The following FBXW7 variants were observed in gnomAD, a reference collection of about 807,000 sequenced individuals.
FBXW7 encodes the protein F-box/WD repeat-containing protein 7.
FBXW7 carries 11 observed loss-of-function variants against 86.3 expected under a neutral mutation model. That is an observed-to-expected ratio of 0.13 (90% CI 0.08 to 0.21). The LOEUF (loss-of-function observed/expected upper bound fraction) is 0.21. Ranked by LOEUF, FBXW7 falls within the 10% of genes least tolerant of loss-of-function variation. The pLI is 1.00. For missense variants in FBXW7, 488 were observed against 847.4 expected (o/e 0.58, Z 5.27); for synonymous variants, 313 against 297.9 (o/e 1.05, Z -0.52).
chr4:152,367,574 A>C (rs1365282060), intron 4 of FBXW7, among the ~76,000 whole-genome samples: 1 of 152,156 alleles, frequency 6.6e-6, no homozygotes, highest in Admixed American at 6.6e-5. Context: ...TGGTTTTGTG[A>C]ATATGCAAAA....
intron 2 of FBXW7, among the ~76,000 whole-genome samples, chr4:152,491,487 G>T (rs1325852984): frequency 2.0e-5 from 3 of 152,106 alleles, no homozygotes; most frequent in African/African-American, 7.2e-5. Context: ...ACTAGTGAGT[G>T]TTCTGAATCA....
chr4:152,362,460 T>G (rs1456518859), intron 4 of FBXW7, among the ~76,000 whole-genome samples: 1 of 152,150 alleles, frequency 6.6e-6, no homozygotes, highest in Non-Finnish European at 1.5e-5. Context: ...TATTCCTTTC[T>G]TCATTTTAAA....
At chr4:152,369,814 T>C (rs1015620626) in intron 4 of FBXW7, among the ~76,000 whole-genome samples, 3 of 152,026 alleles carry the variant, frequency 2.0e-5, no homozygotes, top group Non-Finnish European at 4.4e-5. Flanking sequence ...ACAATAAAAA[T>C]GCATTTTTCC....
intron 13 of FBXW7, chr4:152,323,973 A>C: frequency 1.9e-6 from 1 of 535,316 alleles, no homozygotes. Flanking sequence ...GGAAGTGATT[A>C]AACAATTTTA....
chr4:152,513,431 A>T (rs1748167938), intron 2 of FBXW7, among the ~76,000 whole-genome samples: 1 of 152,242 alleles, frequency 6.6e-6, no homozygotes, highest in Non-Finnish European at 1.5e-5. Context: ...CCACTCACAG[A>T]GACCCTATTG....
chr4:152,521,132 G>A (rs949720591), intron 2 of FBXW7, among the ~76,000 whole-genome samples: 1 of 152,136 alleles, frequency 6.6e-6, no homozygotes, highest in Admixed American at 6.5e-5. Context: ...GGGGGAGCAG[G>A]TGTTGACTAA....
At chr4:152,405,029 C>T (rs1263479362) in intron 4 of FBXW7, among the ~76,000 whole-genome samples, 6 of 141,184 alleles carry the variant, frequency 4.2e-5, no homozygotes, top group South Asian at 2.3e-4. Flanking sequence ...GAGGTGGAGG[C>T]TGCAGTGAGC....
intron 2 of FBXW7, among the ~76,000 whole-genome samples, chr4:152,499,165 G>A (rs1312191809): frequency 6.6e-6 from 1 of 152,066 alleles, no homozygotes; most frequent in Non-Finnish European, 1.5e-5. Context: ...CTGAGCCTAG[G>A]ACAACAAGGC....
intron 2 of FBXW7, among the ~76,000 whole-genome samples, chr4:152,446,433 TTCTAA>T (rs2127002490): frequency 6.6e-6 from 1 of 152,162 alleles, no homozygotes; most frequent in South Asian, 2.1e-4. Flanking sequence ...AGGTCAAGTA[TTCTAA>T]TACTTCCCAC....
At chr4:152,364,199 A>G (rs761481505) in intron 4 of FBXW7, among the ~76,000 whole-genome samples, 14 of 152,200 alleles carry the variant, frequency 9.2e-5, no homozygotes, top group African/African-American at 2.7e-4. Context: ...TATTGAGGCC[A>G]GGCAGTCATC....
chr4:152,382,185 T>C (rs999096278), intron 4 of FBXW7: 1 of 1,549,502 alleles, frequency 6.5e-7, no homozygotes, highest in South Asian at 1.3e-5. Context: ...TGTGTGAGAC[T>C]TACCCGTCTT....
At chr4:152,368,936 T>A (rs1733739963) in intron 4 of FBXW7, among the ~76,000 whole-genome samples, 1 of 152,086 alleles carries the variant, frequency 6.6e-6, no homozygotes, top group African/African-American at 2.4e-5. Context: ...ACTGAATGAA[T>A]CTACATAATG....
At chr4:152,332,538 C>G (rs1729660226) in intron 8 of FBXW7, 58 bp downstream of exon 8, 2 of 1,407,812 alleles carry the variant, frequency 1.4e-6, no homozygotes, top group East Asian at 5.4e-5. Flanking sequence ...TACTTGTTTT[C>G]AGAATCACTC....
intron 4 of FBXW7, among the ~76,000 whole-genome samples, chr4:152,403,828 G>A (rs558332493): frequency 2.6e-5 from 4 of 152,234 alleles, no homozygotes; most frequent in Admixed American, 2.6e-4. Flanking sequence ...ATGGCCTGGG[G>A]GTTGGGGACA....
chr4:152,448,636 T>G (rs1363751637), intron 2 of FBXW7, among the ~76,000 whole-genome samples: 1 of 152,124 alleles, frequency 6.6e-6, no homozygotes, highest in Non-Finnish European at 1.5e-5. Flanking sequence ...AAATCAGAAC[T>G]GGTGATGTCA....
intron 4 of FBXW7, among the ~76,000 whole-genome samples, chr4:152,407,728 C>T (rs774949024): frequency 6.6e-6 from 1 of 152,180 alleles, no homozygotes; most frequent in Non-Finnish European, 1.5e-5. Flanking sequence ...CACCTCCCCC[C>T]ACCCTCTATT....
At chr4:152,354,296 C>G (rs943151635) in intron 4 of FBXW7, among the ~76,000 whole-genome samples, 1 of 151,838 alleles carries the variant, frequency 6.6e-6, no homozygotes, top group Non-Finnish European at 1.5e-5. Flanking sequence ...ATGTACTCAG[C>G]AGAAGTTAGT....
At chr4:152,522,085 A>T (rs555374159) in intron 2 of FBXW7, among the ~76,000 whole-genome samples, 1 of 152,284 alleles carries the variant, frequency 6.6e-6, no homozygotes, top group Non-Finnish European at 1.5e-5. Context: ...TGACTTGGTG[A>T]GTAATAAAAC....
At chr4:152,442,622 G>A (rs533554007) in intron 2 of FBXW7, among the ~76,000 whole-genome samples, 1 of 152,328 alleles carries the variant, frequency 6.6e-6, no homozygotes, top group African/African-American at 2.4e-5. Flanking sequence ...CAGTACACAT[G>A]TACTGACCAG....
Sources: allele counts gnomAD v4.1 joint callset (sites outside exome capture counted in the v4.1 genomes callset), GRCh38; gene constraint gnomAD v4.1.1; transcripts MANE v1.5; gene names NCBI Gene and HGNC (gene_info 2026-07-23, HGNC 2026-07-21).